The following ANKRD31 variants were observed in gnomAD, a reference collection of about 807,000 sequenced individuals.
ANKRD31 encodes the protein ankyrin repeat domain-containing protein 31.
ANKRD31 carries 147 observed loss-of-function variants against 186.0 expected under a neutral mutation model. The ratio of observed to expected loss-of-function variants is 0.79; its 90% CI spans 0.69 to 0.91. ANKRD31 has a LOEUF of 0.91. Among genes scored for constraint, ANKRD31 ranks in the 40% least tolerant of loss-of-function variants. The pLI is 0.00. For synonymous variants in ANKRD31, 673 were observed against 736.4 expected, an observed-to-expected ratio of 0.91 and a Z score of 1.39; for missense variants, 1,986 against 2,148.8, an observed-to-expected ratio of 0.92 and a Z score of 1.50.
intron 22 of ANKRD31, among the ~76,000 whole-genome samples, chr5:75,100,572 G>C (rs1001592556): frequency 1.6e-4 from 24 of 151,994 alleles, no homozygotes; most frequent in African/African-American, 5.8e-4. Flanking sequence ...CTCTTTGTAG[G>C]TCTCTAAGGA....
intron 2 of ANKRD31, among the ~76,000 whole-genome samples, chr5:75,227,991 A>G (rs762592844): frequency 6.6e-6 from 1 of 152,044 alleles, no homozygotes; most frequent in Non-Finnish European, 1.5e-5. Flanking sequence ...CATACCCCCA[A>G]CCGCCATCCT....
Position 75,231,104 on chromosome 5 carries a change from T to C in ANKRD31, c.105-469A>G, listed in dbSNP as rs562751645. 3.9e-5 allele frequency among the ~76,000 whole-genome samples: 6 copies of C among 152,224 alleles called. No homozygotes were observed. In the South Asian group the frequency reaches 1.2e-3, roughly 32 times the overall value. On this transcript the variant is annotated intron_variant, in intron 1 of 25. Transcript: ENST00000506364. ...TTTATTTATTTATTTTGAGACACAG[T>C]CTCTCTCTGTCACCCAAGCTGTAGT...
intron 2 of ANKRD31, among the ~76,000 whole-genome samples, chr5:75,224,609 A>G (rs1459688723): frequency 1.3e-5 from 2 of 152,258 alleles, no homozygotes; most frequent in East Asian, 1.9e-4. Context: ...TCAAAAAAAT[A>G]AAGTTTGAGC....
At chr5:75,235,904 A>G (rs1758243837) in intron 1 of ANKRD31, among the ~76,000 whole-genome samples, 1 of 152,048 alleles carries the variant, frequency 6.6e-6, no homozygotes, top group African/African-American at 2.4e-5. Flanking sequence ...GCAAGTGGGT[A>G]TGATGAGGAA....
chr5:75,187,744 T>C (rs1445375801), intron 10 of ANKRD31, among the ~76,000 whole-genome samples: 1 of 152,136 alleles, frequency 6.6e-6, no homozygotes, highest in Non-Finnish European at 1.5e-5. Flanking sequence ...TAAGGTAAAG[T>C]ACTGGGGGTG....
At chr5:75,175,690 C>G (rs1328742512) in intron 10 of ANKRD31, among the ~76,000 whole-genome samples, 1 of 151,920 alleles carries the variant, frequency 6.6e-6, no homozygotes, top group Non-Finnish European at 1.5e-5. Context: ...TTCACACACA[C>G]CCCTGAACTC....
intron 17 of ANKRD31, among the ~76,000 whole-genome samples, chr5:75,121,545 C>A (rs1009130040): frequency 6.6e-6 from 1 of 151,968 alleles, no homozygotes; most frequent in African/African-American, 2.4e-5. Context: ...CCCAAATAGA[C>A]CATATGTTAG....
chr5:75,185,595 G>C (rs1754652946), intron 10 of ANKRD31, among the ~76,000 whole-genome samples: 1 of 151,974 alleles, frequency 6.6e-6, no homozygotes, highest in African/African-American at 2.4e-5. Flanking sequence ...ATAAGTGATG[G>C]TGTCCTATTG....
Position 75,236,833 on chromosome 5 carries a change from G to T in ANKRD31, c.-147C>A. 3.0e-6 allele frequency: 2 copies of T among 673,444 alleles called. No homozygotes were observed. The highest frequency in any genetic ancestry group is 4.6e-6 in the Non-Finnish European group (2 of 434,994). The allele number at this position is 673,444 out of a possible 1,614,324, so 41.7% of individuals were successfully genotyped here. On this transcript the variant is annotated 5_prime_UTR_variant, in exon 1 of 26. Transcript: ENST00000506364. ...AGGAGCCGGGACTTGTCGCAGGGCT[G>T]CTGAGGAGGACGCAGGCGGCCGCGA...
intron 10 of ANKRD31, among the ~76,000 whole-genome samples, chr5:75,176,958 C>T (rs1178574818): frequency 8.6e-5 from 13 of 152,012 alleles, no homozygotes. Flanking sequence ...AAGTGCAAAC[C>T]AATGGCAAAG....
chr5:75,200,091 C>T (rs942971180), intron 5 of ANKRD31, among the ~76,000 whole-genome samples: 3 of 151,946 alleles, frequency 2.0e-5, no homozygotes, highest in African/African-American at 7.3e-5. Flanking sequence ...AAGAAATGCC[C>T]CTTATAGGGG....
chr5:75,210,281 C>T (rs543549273), intron 4 of ANKRD31, among the ~76,000 whole-genome samples: 1 of 152,308 alleles, frequency 6.6e-6, no homozygotes, highest in South Asian at 2.1e-4. Flanking sequence ...TCAAGCAATT[C>T]TCATGCTTCA....
At chr5:75,174,695 AG>A (rs1240944652) in intron 10 of ANKRD31, among the ~76,000 whole-genome samples, 1 of 152,256 alleles carries the variant, frequency 6.6e-6, no homozygotes, top group African/African-American at 2.4e-5. Flanking sequence ...ATCTCATGCC[AG>A]TTAGAATGCG....
intron 15 of ANKRD31, among the ~76,000 whole-genome samples, chr5:75,141,070 A>G (rs1751013232): frequency 6.6e-6 from 1 of 152,198 alleles, no homozygotes; most frequent in African/African-American, 2.4e-5. Flanking sequence ...GGTAATTCTG[A>G]TGCAAACTAA....
chr5:75,227,987 C>T (rs1011325391), intron 2 of ANKRD31, among the ~76,000 whole-genome samples: 1 of 152,204 alleles, frequency 6.6e-6, no homozygotes, highest in African/African-American at 2.4e-5. Context: ...AAACCATACC[C>T]CCAACCGCCA....
chr5:75,147,554 A>G, intron 13 of ANKRD31, 49 bp from the exon 14 acceptor site: 2 of 1,144,192 alleles, frequency 1.7e-6, no homozygotes, highest in Non-Finnish European at 2.3e-6. Flanking sequence ...CGGTAGTACT[A>G]TATCAATTCA....
At chr5:75,091,513 T>A (rs983211604) in intron 22 of ANKRD31, 112 bp from the exon 23 acceptor site, 27 of 928,736 alleles carry the variant, frequency 2.9e-5, no homozygotes, top group Non-Finnish European at 4.0e-5. Context: ...ACACCTGATG[T>A]ATTTTTGTAT....
At chr5:75,136,923 C>A (rs1206976189) in intron 17 of ANKRD31, among the ~76,000 whole-genome samples, 2 of 151,894 alleles carry the variant, frequency 1.3e-5, no homozygotes, top group African/African-American at 4.8e-5. Context: ...GACAGAAAAC[C>A]AAACACCACA....
chr5:75,153,183 CAACA>C (rs1751953353), intron 12 of ANKRD31, among the ~76,000 whole-genome samples: 3 of 151,996 alleles, frequency 2.0e-5, no homozygotes, highest in Non-Finnish European at 4.4e-5. Context: ...TGAGTTTTGC[CAACA>C]ATCATTTGTG....
Sources: allele counts gnomAD v4.1 joint callset (sites outside exome capture counted in the v4.1 genomes callset), GRCh38; gene constraint gnomAD v4.1.1; transcripts MANE v1.5; gene names NCBI Gene and HGNC (gene_info 2026-07-23, HGNC 2026-07-21).